UBE2W: variants seen among roughly 807,000 people sequenced by gnomAD.
UBE2W encodes the protein ubiquitin-conjugating enzyme E2 W.
A neutral mutation model predicts 27.2 loss-of-function variants in UBE2W; 18 were observed. That is an observed-to-expected ratio of 0.66 (90% CI 0.46 to 0.98). The LOEUF (loss-of-function observed/expected upper bound fraction) is 0.98, where lower values mean the gene tolerates loss of function less well. Ranked by LOEUF, UBE2W falls within the 50% of genes least tolerant of loss-of-function variation. The pLI is 0.00. For synonymous variants in UBE2W, 53 were observed against 57.2 expected, an observed-to-expected ratio of 0.93 and a Z score of 0.33; for missense variants, 90 against 180.2, an observed-to-expected ratio of 0.50 and a Z score of 2.87.
chr8:73,815,816 A>C (rs1809362938), intron 3 of UBE2W, among the ~76,000 whole-genome samples: 1 of 152,242 alleles, frequency 6.6e-6, no homozygotes, highest in South Asian at 2.1e-4. Context: ...TATGGATACC[A>C]AGGTTTTTCC....
chr8:73,852,185 G>A (rs1233496541), intron 1 of UBE2W, among the ~76,000 whole-genome samples: 5 of 152,054 alleles, frequency 3.3e-5, no homozygotes, highest in African/African-American at 1.2e-4. Flanking sequence ...GAGATTGACA[G>A]AACAAAACAA....
chr8:73,819,338 C>T (rs1809516691), intron 3 of UBE2W, among the ~76,000 whole-genome samples: 1 of 152,196 alleles, frequency 6.6e-6, no homozygotes, highest in Non-Finnish European at 1.5e-5. Context: ...CAGTTTTGGT[C>T]ATCATTGAAT....
At chr8:73,854,765 T>C (rs777705763) in intron 1 of UBE2W, among the ~76,000 whole-genome samples, 13 of 152,192 alleles carry the variant, frequency 8.5e-5, no homozygotes, top group Non-Finnish European at 1.9e-4. Context: ...AAAACCCACA[T>C]GTAACTTCCG....
intron 1 of UBE2W, among the ~76,000 whole-genome samples, chr8:73,848,896 T>C (rs1449287067): frequency 6.6e-6 from 1 of 152,158 alleles, no homozygotes; most frequent in Non-Finnish European, 1.5e-5. Flanking sequence ...TGTATTTCAG[T>C]AAAAACATGT....
At chr8:73,847,011 TA>T (rs1810834465) in intron 1 of UBE2W, among the ~76,000 whole-genome samples, 1 of 151,876 alleles carries the variant, frequency 6.6e-6, no homozygotes, top group Admixed American at 6.6e-5. Flanking sequence ...CTACTAAAAA[TA>T]CAAAAAATTA....
At chr8:73,817,006 C>G (rs897789045) in intron 3 of UBE2W, among the ~76,000 whole-genome samples, 8 of 151,860 alleles carry the variant, frequency 5.3e-5, no homozygotes, top group Non-Finnish European at 1.0e-4. Flanking sequence ...TTCACTCCAG[C>G]CTGGGCAACA....
chr8:73,799,184 C>T (rs7840797), intron 5 of UBE2W, among the ~76,000 whole-genome samples: 8,036 of 152,054 alleles, frequency 0.053, 685 homozygotes, highest in African/African-American at 0.18. Context: ...GACCTCTAAA[C>T]ACTAATGAGG....
intron 1 of UBE2W, among the ~76,000 whole-genome samples, chr8:73,854,754 G>A (rs1235477179): frequency 1.3e-5 from 2 of 152,080 alleles, no homozygotes; most frequent in African/African-American, 2.4e-5. Flanking sequence ...CCAAGCAGTC[G>A]AAAACCCACA....
chr8:73,874,156 G>A (rs1367580716), intron 1 of UBE2W, among the ~76,000 whole-genome samples: 1 of 152,210 alleles, frequency 6.6e-6, no homozygotes, highest in Non-Finnish European at 1.5e-5. Flanking sequence ...ACACGGCCGG[G>A]CGCGGTGGCT....
chr8:73,843,344 A>T (rs1232462319), intron 1 of UBE2W, among the ~76,000 whole-genome samples: 1 of 152,172 alleles, frequency 6.6e-6, no homozygotes, highest in African/African-American at 2.4e-5. Context: ...CTAAATAAAA[A>T]TTTTTTCACC....
chr8:73,826,503 G>A (rs569033816), intron 2 of UBE2W, among the ~76,000 whole-genome samples: 3 of 152,198 alleles, frequency 2.0e-5, no homozygotes, highest in East Asian at 1.9e-4. Context: ...TCATCACCAC[G>A]CATACTATGA....
rs1187707566 is a variant in UBE2W, at chr8:73,825,132, A to G, written c.210+15T>C. On this transcript the variant is annotated intron_variant, in intron 3 of 5. Transcript: ENST00000602593. The stretch of plus-strand genomic sequence containing the variant: ...CTAAAAATACAAAAAAAAAAATTTA[A>G]AGCAAGGCAATTACCTGAGGAGAGT... 2.0e-6 allele frequency: 3 copies of G among 1,511,872 alleles called. No homozygotes were observed. The highest frequency in any genetic ancestry group is 2.6e-5 in the South Asian group (2 of 78,064). The allele number at this position is 1,511,872 out of a possible 1,614,324, so 93.7% of individuals were successfully genotyped here.
At chr8:73,814,565 C>G (rs1300696911) in intron 3 of UBE2W, among the ~76,000 whole-genome samples, 1 of 152,142 alleles carries the variant, frequency 6.6e-6, no homozygotes, top group Admixed American at 6.6e-5. Flanking sequence ...GTTGCCCAGG[C>G]TGGAGTGCAA....
chr8:73,863,588 A>G lies in UBE2W; in HGVS notation c.15+15220T>C, dbSNP rs1311283824. On this transcript the variant is annotated intron_variant, in intron 1 of 5. Transcript: ENST00000602593. Reference sequence around the variant, plus strand: ...AAACTTAAAGTATAATAAAAAAAAAAAAGAAAAAAAAATACAAAAAATAGC... The same window carrying G: ...AAACTTAAAGTATAATAAAAAAAAAGAAGAAAAAAAAATACAAAAAATAGC... Among the ~76,000 whole-genome samples the G allele has an allele frequency of 9.6e-5, 11 of 114,982 alleles. 1 individual carries two copies. The Admixed American group carries it at 1.1e-3, about 12-fold the overall frequency. 75.4% of individuals were successfully genotyped at this position (114,982 alleles called of 152,430 possible).
chr8:73,874,133 A>G (rs1049400229), intron 1 of UBE2W, among the ~76,000 whole-genome samples: 6 of 152,314 alleles, frequency 3.9e-5, no homozygotes, highest in Non-Finnish European at 7.4e-5. Flanking sequence ...AAAAAAGGTT[A>G]TAAAATTTAA....
At chr8:73,855,723 CTG>C (rs997834002) in intron 1 of UBE2W, among the ~76,000 whole-genome samples, 4 of 152,058 alleles carry the variant, frequency 2.6e-5, no homozygotes, top group Admixed American at 1.3e-4. Context: ...CATTTCTTGA[CTG>C]TGAACAGTGC....
At chr8:73,839,059 G>C (rs920008478) in intron 1 of UBE2W, among the ~76,000 whole-genome samples, 2 of 152,082 alleles carry the variant, frequency 1.3e-5, no homozygotes, top group Non-Finnish European at 2.9e-5. Flanking sequence ...ATAAAGCTCT[G>C]CTTTTGTTGT....
chr8:73,850,060 T>A (rs889835298), intron 1 of UBE2W, among the ~76,000 whole-genome samples: 3 of 151,990 alleles, frequency 2.0e-5, no homozygotes, highest in Non-Finnish European at 4.4e-5. Flanking sequence ...CTCAAAGTAA[T>A]GAACAGCTCA....
intron 5 of UBE2W, among the ~76,000 whole-genome samples, chr8:73,802,817 A>G (rs1457497442): frequency 1.3e-5 from 2 of 152,078 alleles, no homozygotes; most frequent in Non-Finnish European, 2.9e-5. Context: ...AGGTCAGGAG[A>G]TCAAGACCAT....
Sources: gnomAD v4.1 joint callset for allele counts (sites outside exome capture counted in the v4.1 genomes callset) on GRCh38, gnomAD v4.1.1 for gene constraint, MANE v1.5 for transcripts, NCBI Gene and HGNC (gene_info 2026-07-23, HGNC 2026-07-21) for gene names.